The following ZNF705A variants were observed in gnomAD, a reference collection of about 807,000 sequenced individuals.
ZNF705A encodes the protein zinc finger protein 705A.
Under a neutral mutation model 16.6 loss-of-function variants are expected in ZNF705A, and 8 were observed. That is an observed-to-expected ratio of 0.48 (90% CI 0.28 to 0.87). The LOEUF (loss-of-function observed/expected upper bound fraction) is 0.87, where lower values mean the gene tolerates loss of function less well. Among genes scored for constraint, ZNF705A ranks in the 40% least tolerant of loss-of-function variants. ZNF705A has a pLI of 0.10. For missense variants in ZNF705A, 233 were observed against 359.9 expected (o/e 0.65, Z 2.85); for synonymous variants, 73 against 117.3 (o/e 0.62, Z 2.44).
chr12:8,168,695 A>G (rs1948420265), upstream of ZNF705A: 1 of 152,228 alleles, frequency 6.6e-6, no homozygotes, highest in South Asian at 2.1e-4. Flanking sequence ...TGTGGTAGTT[A>G]CTGCATTGGA....
At chr12:8,170,574 C>T (rs763665618), upstream of ZNF705A, among the ~76,000 whole-genome samples, 1 of 152,186 alleles carries the variant, frequency 6.6e-6, no homozygotes, top group Non-Finnish European at 1.5e-5. Context: ...GTTATAATTA[C>T]ACACAAATAT....
chr12:8,173,219 T>C lies in ZNF705A; in HGVS notation c.12+582T>C, dbSNP rs375073873. Among the ~76,000 whole-genome samples the C allele has an allele frequency of 8.5e-5, 13 of 152,336 alleles. No individual in the cohort carries two copies. The East Asian group carries it at 2.5e-3, about 29-fold the overall frequency. ...AAATATATTTGAGCTTCTAAAAACTTTGTGAAAGGACAACTAAAGAAGTCA... is the reference window on the plus strand; with the variant it reads ...AAATATATTTGAGCTTCTAAAAACTCTGTGAAAGGACAACTAAAGAAGTCA... On this transcript the variant is annotated intron_variant, in intron 1 of 4. Transcript: ENST00000359286.
At chr12:8,157,137 A>G (rs1407598484) in intron 1 of ZNF705A, 45 bp downstream of exon 1, 3 of 397,264 alleles carry the variant, frequency 7.6e-6, no homozygotes, top group African/African-American at 6.2e-5. Context: ...TCTAATGTCC[A>G]CATTCCTATT....
chr12:8,174,516 T>G (rs1948470281), intron 2 of ZNF705A, 64 bp downstream of exon 3: 10 of 1,593,480 alleles, frequency 6.3e-6, no homozygotes, highest in Admixed American at 1.7e-5. Context: ...CAATAAGTGT[T>G]AGAACAGCTT....
chr12:8,167,674 C>A (rs1260370150), upstream of ZNF705A, among the ~76,000 whole-genome samples: 1 of 152,128 alleles, frequency 6.6e-6, no homozygotes, highest in African/African-American at 2.4e-5. Context: ...GGTCTCATTC[C>A]CTTACAATGA....
At chr12:8,175,547 A>G (rs1948478620) in intron 3 of ZNF705A, among the ~76,000 whole-genome samples, 1 of 152,176 alleles carries the variant, frequency 6.6e-6, no homozygotes, top group Non-Finnish European at 1.5e-5. Context: ...GGAAAAGGAT[A>G]ATTCATGTAC....
chr12:8,173,597 C>A (rs183200577), intron 1 of ZNF705A, among the ~76,000 whole-genome samples: 2 of 152,254 alleles, frequency 1.3e-5, no homozygotes, highest in Non-Finnish European at 2.9e-5. Flanking sequence ...GCAGCCTCAG[C>A]GGTCTTGTCT....
chr12:8,168,101 G>A (rs1466819946), upstream of ZNF705A, among the ~76,000 whole-genome samples: 1 of 152,122 alleles, frequency 6.6e-6, no homozygotes, highest in Non-Finnish European at 1.5e-5. Flanking sequence ...TCCTTTTCCG[G>A]TGGAGTGTGC....
upstream of ZNF705A, among the ~76,000 whole-genome samples, chr12:8,170,646 G>C (rs1948438611): frequency 6.6e-6 from 1 of 152,082 alleles, no homozygotes; most frequent in Non-Finnish European, 1.5e-5. Flanking sequence ...ATAATATTAA[G>C]GGTTACAGCT....
At chr12:8,172,391 A>G, upstream of ZNF705A, 1 of 629,328 alleles carries the variant, frequency 1.6e-6, no homozygotes, top group Non-Finnish European at 2.8e-6. Context: ...TAGGCTTCCT[A>G]ATTTTGACCA....
intron 1 of ZNF705A, among the ~76,000 whole-genome samples, chr12:8,173,121 T>C (rs904122169): frequency 5.9e-5 from 9 of 152,262 alleles, no homozygotes; most frequent in African/African-American, 2.2e-4. Flanking sequence ...TCTGATGTTC[T>C]AGCAGCTGAG....
chr12:8,168,047 G>A (rs558640177), upstream of ZNF705A, among the ~76,000 whole-genome samples: 2 of 152,194 alleles, frequency 1.3e-5, no homozygotes, highest in Non-Finnish European at 2.9e-5. Flanking sequence ...GAGCATGCAC[G>A]GTGTGTTTAG....
chr12:8,174,184 T>A, intron 1 of ZNF705A, 142 bp from the exon 3 acceptor site: 1 of 1,508,796 alleles, frequency 6.6e-7, no homozygotes, highest in South Asian at 1.2e-5. Context: ...AGATACCAGC[T>A]TAGTACTGAG....
intron 1 of ZNF705A, among the ~76,000 whole-genome samples, chr12:8,166,726 A>G (rs1206926135): frequency 1.3e-5 from 2 of 152,216 alleles, no homozygotes; most frequent in African/African-American, 4.8e-5. Context: ...CGCCCTCTAA[A>G]GCGGTGGCCC....
At chr12:8,178,291 T>C (rs1591626810) in exon 5 of ZNF705A, 1 of 153,222 alleles carries the variant, frequency 6.5e-6, no homozygotes, top group Non-Finnish European at 1.5e-5. Flanking sequence ...ATGAATTCTC[T>C]TGGAATACCA....
intron 1 of ZNF705A, among the ~76,000 whole-genome samples, chr12:8,159,822 G>GATC: frequency 6.6e-6 from 1 of 152,184 alleles, no homozygotes; most frequent in East Asian, 1.9e-4. Flanking sequence ...AAGTTCTTTG[G>GATC]TTTAATTAAG....
intron 1 of ZNF705A, among the ~76,000 whole-genome samples, chr12:8,160,563 TA>T (rs1211055679): frequency 9.6e-6 from 1 of 104,616 alleles, no homozygotes; most frequent in East Asian, 2.7e-4. Context: ...TATTTCTAAG[TA>T]TTTTTTTTTT....
chr12:8,165,040 T>C (rs1333665638), intron 1 of ZNF705A, among the ~76,000 whole-genome samples: 1 of 152,196 alleles, frequency 6.6e-6, no homozygotes, highest in Non-Finnish European at 1.5e-5. Context: ...TACTATTATC[T>C]GAAATGGACA....
exon 5 of ZNF705A, chr12:8,177,209 T>C (rs745708730): frequency 1.9e-6 from 3 of 1,611,882 alleles, no homozygotes; most frequent in East Asian, 2.2e-5. Flanking sequence ...ATGTAATCTA[T>C]GTGAAAAGGC....
Sources: gnomAD v4.1 joint callset for allele counts (sites outside exome capture counted in the v4.1 genomes callset) on GRCh38, gnomAD v4.1.1 for gene constraint, MANE v1.5 for transcripts, NCBI Gene and HGNC (gene_info 2026-07-23, HGNC 2026-07-21) for gene names.